The following DHRSX variants were observed in gnomAD, a reference collection of about 807,000 sequenced individuals.
The protein encoded by DHRSX is dehydrogenase/reductase X-linked, also known as polyprenol dehydrogenase.
Under a neutral mutation model 34.0 loss-of-function variants are expected in DHRSX, and 31 were observed. The ratio of observed to expected loss-of-function variants is 0.91; its 90% CI spans 0.69 to 1.23. DHRSX has a LOEUF of 1.23. DHRSX is among the 50% of genes most tolerant of loss of function. DHRSX has a pLI of 0.00. For synonymous variants in DHRSX, 201 were observed against 183.8 expected, an observed-to-expected ratio of 1.09 and a Z score of -0.76; for missense variants, 414 against 428.1, an observed-to-expected ratio of 0.97 and a Z score of 0.29.
At chrX:2,264,796 C>A (rs1482483705) in intron 5 of DHRSX, among the ~76,000 whole-genome samples, 1 of 151,928 alleles carries the variant, frequency 6.6e-6, no homozygotes, top group African/African-American at 2.4e-5. Context: ...ACAGGGAGCA[C>A]CGTGCCCAGA....
intron 3 of DHRSX, among the ~76,000 whole-genome samples, chrX:2,336,603 TG>T (rs1475088246): frequency 6.9e-6 from 1 of 143,954 alleles, no homozygotes; most frequent in Non-Finnish European, 1.6e-5. Context: ...TTTTTTGTTT[TG>T]TTTTTTTTTT....
In DHRSX at chrX:2,350,081, C is replaced by T. The variant is rs768090205; in HGVS notation, c.287-58478G>A. Among the ~76,000 whole-genome samples the T allele has an allele frequency of 2.0e-5, 3 of 152,078 alleles. No individual in the cohort carries two copies. The East Asian group carries it at 5.8e-4, about 29-fold the overall frequency. ...ACGTAATTGGCCAGGTGCAGTGGCCCACGCCTGGTATCCCAGCACTTTGGG... is the reference window on the plus strand; with the variant it reads ...ACGTAATTGGCCAGGTGCAGTGGCCTACGCCTGGTATCCCAGCACTTTGGG... On this transcript the variant is annotated intron_variant, in intron 3 of 6. Transcript: ENST00000334651.
chrX:2,428,476 T>G (rs2043876815), intron 1 of DHRSX, among the ~76,000 whole-genome samples: 1 of 152,278 alleles, frequency 6.6e-6, no homozygotes, highest in Middle Eastern at 3.4e-3. Context: ...TGCAGGGACA[T>G]GGATGAAGCT....
At chrX:2,237,799 C>T (rs1406379429) in intron 6 of DHRSX, among the ~76,000 whole-genome samples, 2 of 152,146 alleles carry the variant, frequency 1.3e-5, no homozygotes, top group East Asian at 3.9e-4. Flanking sequence ...CCACCACTCC[C>T]AGCCGATAGC....
intron 1 of DHRSX, among the ~76,000 whole-genome samples, chrX:2,449,772 G>C (rs999964089): frequency 6.6e-6 from 1 of 152,096 alleles, no homozygotes. Context: ...TCCCACCTCT[G>C]CCTCCTGAGT....
intron 3 of DHRSX, among the ~76,000 whole-genome samples, chrX:2,331,742 G>T (rs1387226794): frequency 6.6e-6 from 1 of 151,956 alleles, no homozygotes; most frequent in African/African-American, 2.4e-5. Flanking sequence ...GAGCCACCAC[G>T]CCCGGCCCTG....
At chrX:2,485,465 C>T (rs1339889247) in intron 1 of DHRSX, among the ~76,000 whole-genome samples, 1 of 145,388 alleles carries the variant, frequency 6.9e-6, no homozygotes, top group East Asian at 2.0e-4. Context: ...CCATTGTTTT[C>T]TCAGGAGGGA....
At chrX:2,311,170 C>T (rs1353610709) in intron 3 of DHRSX, among the ~76,000 whole-genome samples, 1 of 150,340 alleles carries the variant, frequency 6.7e-6, no homozygotes, top group Non-Finnish European at 1.5e-5. Context: ...GAGAAAGTGA[C>T]AGAGAGGGAC....
At chrX:2,398,986 G>T (rs1288072740) in intron 3 of DHRSX, among the ~76,000 whole-genome samples, 2 of 152,110 alleles carry the variant, frequency 1.3e-5, no homozygotes, top group African/African-American at 4.8e-5. Flanking sequence ...CCGAGTAGCT[G>T]GGACTACAGG....
intron 4 of DHRSX, among the ~76,000 whole-genome samples, chrX:2,269,078 T>G (rs1227280326): frequency 1.3e-5 from 2 of 152,284 alleles, no homozygotes; most frequent in Non-Finnish European, 2.9e-5. Context: ...TGCATCTGCA[T>G]GTGTACATAT....
In DHRSX at chrX:2,464,619, A is replaced by C. The variant is rs1187394527; in HGVS notation, c.109+36198T>G. Among the ~76,000 whole-genome samples the C allele has an allele frequency of 3.3e-5, 5 of 151,510 alleles. No homozygotes were observed. In the East Asian group the frequency reaches 7.9e-4, roughly 24 times the overall value. ...GGGGACAGCTGCCGTGTGCACACTG[A>C]AGATGTTCCCTAAGTATGTGGCTAA... On this transcript the variant is annotated intron_variant, in intron 1 of 6. Transcript: ENST00000334651.
At position 2,324,765 on chromosome X, in the gene DHRSX, TTTTC is replaced by T. The variant is rs1273337971; in HGVS notation, c.287-33166_287-33163del. Among the ~76,000 whole-genome samples the T allele has an allele frequency of 5.5e-3, 810 of 146,786 alleles. 17 individuals are homozygous for T. The highest frequency in any genetic ancestry group is 0.036 in the Admixed American group (523 of 14,638). On this transcript the variant is annotated intron_variant, in intron 3 of 6. Transcript: ENST00000334651. ...GGGAGTCCTCGGCAAGGCTTTTTTC[TTTTC>T]TTTTTTTTTTTTTTTTTGAGATGGA... is the stretch of plus-strand genomic sequence containing the variant.
At chrX:2,499,996 A>C (rs5939518) in intron 1 of DHRSX, among the ~76,000 whole-genome samples, 33,700 of 152,040 alleles carry the variant, frequency 0.22, 4,099 homozygotes, top group South Asian at 0.41. Context: ...TCGGCAACAG[A>C]GCAAGACTTC....
intron 3 of DHRSX, among the ~76,000 whole-genome samples, chrX:2,404,028 G>A (rs1488625741): frequency 3.9e-5 from 6 of 152,050 alleles, no homozygotes; most frequent in South Asian, 4.2e-4. Context: ...TTTTTAAGCC[G>A]TTCAGATTAA....
rs372656217 is a variant in DHRSX, at chrX:2,221,266, A to G, written c.805-37T>C. ...AGAAAAGAAGGCTACGATGAGTCAAATTTCTGAGCAGGAAACAGGAGTCTC... is the reference window on the plus strand; with the variant it reads ...AGAAAAGAAGGCTACGATGAGTCAAGTTTCTGAGCAGGAAACAGGAGTCTC... On this transcript the variant is annotated intron_variant, in intron 6 of 6. Transcript: ENST00000334651. 5.6e-6 allele frequency: 9 copies of G among 1,596,544 alleles called. No homozygotes were observed. The African/African-American group carries it at 1.2e-4, about 21-fold the overall frequency.
intron 6 of DHRSX, among the ~76,000 whole-genome samples, chrX:2,238,177 G>A (rs1335775294): frequency 1.3e-5 from 2 of 152,102 alleles, no homozygotes; most frequent in East Asian, 3.8e-4. Context: ...AACATAGCAA[G>A]ACCTCGGCTC....
At chrX:2,476,650 G>T (rs1297235504) in intron 1 of DHRSX, among the ~76,000 whole-genome samples, 1 of 152,184 alleles carries the variant, frequency 6.6e-6, no homozygotes, top group East Asian at 1.9e-4. Context: ...ACAACGCCAC[G>T]TAGACTGGAT....
chrX:2,324,750 G>A (rs754368005), intron 3 of DHRSX, among the ~76,000 whole-genome samples: 4 of 151,436 alleles, frequency 2.6e-5, no homozygotes, highest in African/African-American at 4.8e-5. Flanking sequence ...GGGAGTCCTC[G>A]GCAAGGCTTT....
rs1385675741 is a variant in DHRSX, at chrX:2,451,258, T to A, written c.110-25954A>T. ...TAAAAAAAAAAAAAAAAAAGTTGCA[T>A]CAAGAATGAAAGGTGCACAAAGGCA... On this transcript the variant is annotated intron_variant, in intron 1 of 6. Coordinates refer to ENST00000334651, the MANE Select transcript of DHRSX (RefSeq NM_145177.3). Among the ~76,000 whole-genome samples, 3 of 143,804 alleles carry A rather than the reference T, an allele frequency of 2.1e-5. No homozygotes were observed. In the East Asian group the frequency reaches 6.1e-4, roughly 29 times the overall value. 94.3% of individuals were successfully genotyped at this position (143,804 alleles called of 152,430 possible).
Sources: allele counts gnomAD v4.1 joint callset (sites outside exome capture counted in the v4.1 genomes callset), GRCh38; gene constraint gnomAD v4.1.1; transcripts MANE v1.5; gene names NCBI Gene and HGNC (gene_info 2026-07-23, HGNC 2026-07-21).